Variants in JCAD observed in about 807,000 individuals in gnomAD.
The protein encoded by JCAD is junctional cadherin 5-associated protein.
JCAD carries 40 observed loss-of-function variants against 98.0 expected under a neutral mutation model. That is an observed-to-expected ratio of 0.41 (90% CI 0.32 to 0.53). The LOEUF is 0.53. Among genes scored for constraint, JCAD ranks in the 20% least tolerant of loss-of-function variants. The pLI, the probability that JCAD is intolerant of heterozygous loss-of-function variation, is 0.31. For missense variants in JCAD, 1,705 were observed against 1,738.1 expected, an observed-to-expected ratio of 0.98 and a Z score of 0.34; for synonymous variants, 691 against 682.3, an observed-to-expected ratio of 1.01 and a Z score of -0.20.
chr10:30,037,966 A>C (rs1837151102), intron 2 of JCAD, among the ~76,000 whole-genome samples: 2 of 150,146 alleles, frequency 1.3e-5, no homozygotes, highest in Non-Finnish European at 3.0e-5. Flanking sequence ...GTTGGAAGCC[A>C]TTGCCACTAC....
chr10:30,066,339 T>G (rs961621900), intron 2 of JCAD, among the ~76,000 whole-genome samples: 1 of 152,172 alleles, frequency 6.6e-6, no homozygotes, highest in African/African-American at 2.4e-5. Flanking sequence ...CATTTCTAAT[T>G]GTTTGCTCTC....
intron 1 of JCAD, among the ~76,000 whole-genome samples, chr10:30,092,056 A>AC (rs1838281033): frequency 1.5e-4 from 4 of 26,820 alleles, no homozygotes; most frequent in South Asian, 9.5e-4. Context: ...AAAAAAAAAA[A>AC]AAAAAAAAAT....
At chr10:30,089,123 A>T (rs1474564554) in intron 1 of JCAD, among the ~76,000 whole-genome samples, 1 of 152,216 alleles carries the variant, frequency 6.6e-6, no homozygotes, top group African/African-American at 2.4e-5. Context: ...CATTGTAAGT[A>T]TGATGGATTG....
chr10:30,098,186 C>T (rs984525225), intron 1 of JCAD, among the ~76,000 whole-genome samples: 3 of 152,192 alleles, frequency 2.0e-5, no homozygotes, highest in African/African-American at 2.4e-5. Context: ...TTGCCCACAG[C>T]TCCTGCCTCA....
At chr10:30,030,648 G>A (rs1367093522) in intron 2 of JCAD, among the ~76,000 whole-genome samples, 1 of 152,082 alleles carries the variant, frequency 6.6e-6, no homozygotes, top group Non-Finnish European at 1.5e-5. Flanking sequence ...ACTGAGTCCT[G>A]GAATTGCTAA....
At position 30,026,806 on chromosome 10, in the gene JCAD, G is replaced by T. The variant is rs749124718; in HGVS notation, c.3342C>A (p.Pro1114=). Reference sequence around the variant, plus strand: ...ACTCTGGGGTGCAGGCACTTGCATCGGGCTCAGCAGGCTGGTTCTGTCCCG... The same window carrying T: ...ACTCTGGGGTGCAGGCACTTGCATCTGGCTCAGCAGGCTGGTTCTGTCCCG... ...RRAGQNQPAE[P]DASACTPESP... The change falls in exon 3 of 4, where the codon CCC becomes CCA. Residue 1114 remains proline (P), a synonymous_variant. Coordinates refer to ENST00000375377, the MANE Select transcript of JCAD (RefSeq NM_020848.4). The T allele has an allele frequency of 2.5e-6, 4 of 1,613,998 alleles. No homozygotes were observed. The South Asian group carries it at 4.4e-5, about 18-fold the overall frequency.
Position 30,026,383 on chromosome 10 carries a change from G to T in JCAD, c.3765C>A (p.Asp1255Glu), listed in dbSNP as rs760592982. Residue 1255 changes from aspartate to glutamate, a missense_variant, in exon 3 of 4, where the codon GAC becomes GAA. Transcript: ENST00000375377. ...EKLASPPRRA[D>E]PDRLMRMKEV... ...CTTTCATTCTCATCAGGCGGTCAGG[G>T]TCTGCTCTCCTAGGCGGGGAGGCCA... The T allele has an allele frequency of 6.2e-7, 1 of 1,614,236 alleles. No individual in the cohort carries two copies. The highest frequency in any genetic ancestry group is 8.5e-7 in the Non-Finnish European group (1 of 1,180,040).
chr10:30,112,194 C>G (rs1384165985), intron 1 of JCAD, among the ~76,000 whole-genome samples: 2 of 152,196 alleles, frequency 1.3e-5, no homozygotes, highest in African/African-American at 2.4e-5. Flanking sequence ...TGATGCTGGG[C>G]TGGGAGCAGT....
intron 3 of JCAD, among the ~76,000 whole-genome samples, chr10:30,022,461 G>A (rs1836681116): frequency 6.6e-6 from 1 of 152,192 alleles, no homozygotes; most frequent in African/African-American, 2.4e-5. Context: ...CAAAGTCCAA[G>A]CGCTTCTCAG....
chr10:30,087,767 A>C (rs974293592), intron 1 of JCAD, among the ~76,000 whole-genome samples: 2 of 152,152 alleles, frequency 1.3e-5, no homozygotes, highest in Non-Finnish European at 2.9e-5. Context: ...CAGGGCGGGG[A>C]AGTGGGTATT....
intron 2 of JCAD, among the ~76,000 whole-genome samples, chr10:30,044,552 G>T (rs1428460733): frequency 6.6e-6 from 1 of 152,182 alleles, no homozygotes; most frequent in Non-Finnish European, 1.5e-5. Flanking sequence ...GCCCAGCAGA[G>T]GTCACTGTGT....
chr10:30,032,337 C>T (rs971692748), intron 2 of JCAD, among the ~76,000 whole-genome samples: 8 of 152,194 alleles, frequency 5.3e-5, no homozygotes, highest in Admixed American at 5.2e-4. Flanking sequence ...ATTTCAAAAT[C>T]TCCCAAATGA....
In JCAD at chr10:30,112,599, C is replaced by T. The variant is rs369357716; in HGVS notation, n.128+2768G>A. The stretch of plus-strand genomic sequence containing the variant: ...TTATATGAAATATCCAGACTGGGCA[C>T]GGTGGCTCATGCCTGTAATCCTAGC... On this transcript the variant is annotated intron_variant and non_coding_transcript_variant, in intron 1 of 2. Transcript: ENST00000465712. Among the ~76,000 whole-genome samples the T allele has an allele frequency of 1.2e-4, 19 of 152,128 alleles. No homozygotes were observed. The East Asian group carries it at 2.1e-3, about 17-fold the overall frequency.
chr10:30,107,089 T>C (rs940215321), intron 1 of JCAD, among the ~76,000 whole-genome samples: 7 of 152,150 alleles, frequency 4.6e-5, no homozygotes, highest in African/African-American at 1.7e-4. Flanking sequence ...GTTGATGAGT[T>C]TTCAGTGGGC....
At chr10:30,066,574 G>T (rs1167288685) in intron 2 of JCAD, among the ~76,000 whole-genome samples, 1 of 152,068 alleles carries the variant, frequency 6.6e-6, no homozygotes, top group Non-Finnish European at 1.5e-5. Flanking sequence ...GGTACCGGGG[G>T]GATGCCAATG....
intron 1 of JCAD, among the ~76,000 whole-genome samples, chr10:30,076,645 G>A (rs1837986062): frequency 6.6e-6 from 1 of 152,120 alleles, no homozygotes; most frequent in Non-Finnish European, 1.5e-5. Context: ...AATTGTGAGT[G>A]AAATTAGGAA....
Position 30,027,257 on chromosome 10 carries a change from C to T in JCAD, c.2891G>A (p.Gly964Glu). ...TGGGCTACCTGCCAGCTCGTCCATT[C>T]CGTTGCTAACCTCCAGGTGTCTCTT... ...AEKRHLEVSN[G>E]MDELAGSPFP... Residue 964 changes from glycine (G) to glutamate (E), a missense_variant, in exon 3 of 4, where the codon GGA (glycine) becomes GAA (glutamate). Gly to Glu is a moderately conservative substitution (Grantham distance 98). Around this residue, in one of 3 missense-constraint regions of JCAD, gnomAD observed 1,278 missense variants for 1,243.1 expected, o/e 1.03. Transcript: ENST00000375377. 2.5e-6 allele frequency: 4 copies of T among 1,614,224 alleles called. No individual in the cohort carries two copies. Among genetic ancestry groups the T allele is most frequent in the Non-Finnish European group, 3.4e-6 (4 of 1,180,050 alleles).
intron 1 of JCAD, among the ~76,000 whole-genome samples, chr10:30,108,720 C>T (rs1039739189): frequency 2.0e-5 from 3 of 152,120 alleles, no homozygotes; most frequent in Non-Finnish European, 4.4e-5. Context: ...CCACTACATG[C>T]TTCTTCTTTA....
chr10:30,104,761 T>A (rs547171255), intron 1 of JCAD, among the ~76,000 whole-genome samples: 1 of 151,122 alleles, frequency 6.6e-6, no homozygotes, highest in African/African-American at 2.4e-5. Flanking sequence ...TAAAAACATA[T>A]GCTTGTCAAA....
Sources: gnomAD v4.1 joint callset for allele counts (sites outside exome capture counted in the v4.1 genomes callset) on GRCh38, gnomAD v4.1.1 for gene constraint, gnomAD v4.1.1 regional missense constraint, MANE v1.5 for transcripts, NCBI Gene and HGNC (gene_info 2026-07-23, HGNC 2026-07-21) for gene names.